The following F13A1 variants were observed in gnomAD, a reference collection of about 807,000 sequenced individuals.
The protein encoded by F13A1 is coagulation factor XIII A chain.
Under a neutral mutation model 80.1 loss-of-function variants are expected in F13A1, and 47 were observed. The ratio of observed to expected loss-of-function variants is 0.59; its 90% CI spans 0.46 to 0.75. The LOEUF is 0.75. F13A1 is among the 30% of genes least tolerant of loss of function. The pLI is 0.00. For synonymous variants in F13A1, 349 were observed against 344.9 expected, an observed-to-expected ratio of 1.01 and a Z score of -0.13; for missense variants, 817 against 930.4, an observed-to-expected ratio of 0.88 and a Z score of 1.59.
At chr6:6,158,338 C>T (rs144544368) in intron 13 of F13A1, among the ~76,000 whole-genome samples, 3 of 152,116 alleles carry the variant, frequency 2.0e-5, no homozygotes, top group Non-Finnish European at 2.9e-5. Context: ...TTAGACAAGT[C>T]GCTTGACTTC....
intron 6 of F13A1, among the ~76,000 whole-genome samples, chr6:6,238,911 A>G (rs1236022640): frequency 6.6e-6 from 1 of 152,178 alleles, no homozygotes; most frequent in African/African-American, 2.4e-5. Flanking sequence ...GCTGGCAGGA[A>G]TGTAAAACAG....
At chr6:6,146,779 C>A (rs1383963803) in intron 14 of F13A1, among the ~76,000 whole-genome samples, 1 of 152,178 alleles carries the variant, frequency 6.6e-6, no homozygotes, top group Non-Finnish European at 1.5e-5. Flanking sequence ...CATACTCTTT[C>A]TGCTCCTCTT....
At chr6:6,312,168 A>ATC (rs1443319505) in intron 2 of F13A1, among the ~76,000 whole-genome samples, 2 of 151,770 alleles carry the variant, frequency 1.3e-5, no homozygotes, top group Non-Finnish European at 2.9e-5. Context: ...GTTTTAAATT[A>ATC]TATCATCTAT....
At chr6:6,284,563 TCCTCATGGG>T (rs1193410599) in intron 3 of F13A1, among the ~76,000 whole-genome samples, 2 of 152,194 alleles carry the variant, frequency 1.3e-5, no homozygotes, top group Non-Finnish European at 2.9e-5. Flanking sequence ...GGGAGCACAT[TCCTCATGGG>T]CCTGCCTGAT....
At chr6:6,218,518 C>T (rs1757138098) in intron 8 of F13A1, among the ~76,000 whole-genome samples, 1 of 152,190 alleles carries the variant, frequency 6.6e-6, no homozygotes, top group Non-Finnish European at 1.5e-5. Context: ...TGCTACTTTG[C>T]ATTTGCCCAC....
intron 6 of F13A1, among the ~76,000 whole-genome samples, chr6:6,227,734 G>T (rs534001703): frequency 1.6e-4 from 24 of 152,128 alleles, no homozygotes; most frequent in Non-Finnish European, 3.5e-4. Flanking sequence ...TTTTCAAACA[G>T]ATAGCCATTA....
At chr6:6,182,335 A>G (rs1400180675) in intron 10 of F13A1, among the ~76,000 whole-genome samples, 194 bp from the exon 11 acceptor site, 1 of 152,192 alleles carries the variant, frequency 6.6e-6, no homozygotes, top group East Asian at 1.9e-4. Flanking sequence ...ATTTAGTAGT[A>G]CTTTAAATAA....
chr6:6,181,571 C>T (rs1316905521), intron 11 of F13A1, among the ~76,000 whole-genome samples: 2 of 152,092 alleles, frequency 1.3e-5, no homozygotes, highest in African/African-American at 4.8e-5. Context: ...TGTAATAGAA[C>T]AATGTATGTG....
intron 3 of F13A1, among the ~76,000 whole-genome samples, chr6:6,288,864 C>A (rs1374727835): frequency 3.3e-5 from 5 of 152,104 alleles, no homozygotes; most frequent in Non-Finnish European, 7.4e-5. Context: ...GAGGTGGCAC[C>A]TCATTGTGGT....
At chr6:6,219,478 G>A (rs770847581) in intron 8 of F13A1, among the ~76,000 whole-genome samples, 17 of 152,194 alleles carry the variant, frequency 1.1e-4, no homozygotes, top group African/African-American at 3.9e-4. Flanking sequence ...TCACTCCATC[G>A]GGAAATGGTA....
chr6:6,303,639 TC>T (rs1430268773), intron 3 of F13A1, among the ~76,000 whole-genome samples: 1 of 152,202 alleles, frequency 6.6e-6, no homozygotes, highest in Non-Finnish European at 1.5e-5. Flanking sequence ...TAAAACTCAT[TC>T]CTTCCATCTA....
rs569753742 is a variant in F13A1 at position 6,230,990 on chromosome 6, G to A, written c.799-6130C>T. The stretch of plus-strand genomic sequence containing the variant: ...CTGACAGAGCCTACCCAGATGAGAA[G>A]GAACTGTAATATGACAAAACAAGGC... On this transcript the variant is annotated intron_variant, in intron 6 of 14. Coordinates refer to ENST00000264870, the MANE Select transcript of F13A1 (RefSeq NM_000129.4). Among the ~76,000 whole-genome samples the A allele has an allele frequency of 5.3e-5, 8 of 152,098 alleles. No homozygotes were observed. In the South Asian group the frequency reaches 1.7e-3, roughly 32 times the overall value.
intron 6 of F13A1, among the ~76,000 whole-genome samples, chr6:6,225,862 A>G (rs981125494): frequency 1.6e-4 from 25 of 152,300 alleles, no homozygotes; most frequent in African/African-American, 6.0e-4. Context: ...GATTGTTTAA[A>G]CAGATTAAAG....
At chr6:6,196,798 G>A (rs1268715489) in intron 9 of F13A1, among the ~76,000 whole-genome samples, 1 of 152,056 alleles carries the variant, frequency 6.6e-6, no homozygotes, top group African/African-American at 2.4e-5. Flanking sequence ...ATAAAAGGAG[G>A]CCAGGTTCTG....
chr6:6,292,634 A>G (rs1203003314), intron 3 of F13A1, among the ~76,000 whole-genome samples: 1 of 152,200 alleles, frequency 6.6e-6, no homozygotes, highest in Non-Finnish European at 1.5e-5. Context: ...AATGCTACTC[A>G]AGAAATAAGT....
At chr6:6,274,343 G>A (rs1757959776) in intron 3 of F13A1, among the ~76,000 whole-genome samples, 1 of 152,206 alleles carries the variant, frequency 6.6e-6, no homozygotes, top group Admixed American at 6.5e-5. Context: ...TAAATGTAAG[G>A]CGTAATTTTG....
At chr6:6,215,545 C>G (rs1761707656) in intron 8 of F13A1, among the ~76,000 whole-genome samples, 1 of 140,630 alleles carries the variant, frequency 7.1e-6, no homozygotes, top group South Asian at 2.5e-4. Context: ...ATAATAAGAG[C>G]TATCTATGAC....
intron 8 of F13A1, among the ~76,000 whole-genome samples, chr6:6,220,930 T>C (rs1234777294): frequency 6.6e-6 from 1 of 152,218 alleles, no homozygotes; most frequent in Non-Finnish European, 1.5e-5. Flanking sequence ...TACTGGTGAG[T>C]TAATACTGCT....
intron 4 of F13A1, among the ~76,000 whole-genome samples, chr6:6,264,961 C>A (rs10484322): frequency 0.097 from 14,759 of 152,186 alleles, 907 homozygotes; most frequent in Non-Finnish European, 0.14. Flanking sequence ...ACTAGTGGAA[C>A]AGGTAATTCC....
Sources: gnomAD v4.1 joint callset for allele counts (sites outside exome capture counted in the v4.1 genomes callset) on GRCh38, gnomAD v4.1.1 for gene constraint, MANE v1.5 for transcripts, NCBI Gene and HGNC (gene_info 2026-07-23, HGNC 2026-07-21) for gene names.